Variants in PPFIBP2 observed in about 807,000 individuals in gnomAD.
PPFIBP2 encodes the protein PPFIB scaffold protein 2, also known as liprin-beta-2.
Under a neutral mutation model 118.3 loss-of-function variants are expected in PPFIBP2, and 118 were observed. The observed-to-expected ratio is 1.00, with a 90% CI of 0.86 to 1.16. The LOEUF is 1.16. Ranked by LOEUF, PPFIBP2 falls within the 50% of genes most tolerant of loss-of-function variation. The pLI, the probability that PPFIBP2 is intolerant of heterozygous loss-of-function variation, is 0.00. For synonymous variants in PPFIBP2, 414 were observed against 397.4 expected (o/e 1.04, Z -0.50); for missense variants, 1,195 against 1,073.1 (o/e 1.11, Z -1.59).
intron 3 of PPFIBP2, among the ~76,000 whole-genome samples, chr11:7,584,876 G>A (rs1857854240): frequency 6.6e-6 from 1 of 152,162 alleles, no homozygotes; most frequent in Non-Finnish European, 1.5e-5. Flanking sequence ...CCCTGTGCCT[G>A]GCAGCTATGG....
chr11:7,602,134 T>C (rs1203134776), intron 5 of PPFIBP2, among the ~76,000 whole-genome samples: 1 of 139,464 alleles, frequency 7.2e-6, no homozygotes, highest in Non-Finnish European at 1.5e-5. Context: ...CTCAAAAGGA[T>C]CTTTAAGGGA....
chr11:7,609,649 C>T (rs1346409657), intron 5 of PPFIBP2, among the ~76,000 whole-genome samples: 1 of 152,186 alleles, frequency 6.6e-6, no homozygotes. Flanking sequence ...TAGTAATAAC[C>T]TCCCTGGTCT....
rs768008628 is a variant in PPFIBP2 at position 7,549,543 on chromosome 11, C to G, written c.64+4C>G. The stretch of plus-strand genomic sequence containing the variant: ...CAAATGGACGGGATCATTGCAGGTA[C>G]GCCCAGGGAACCCCAGCAACCAAGG... On this transcript the variant is annotated splice_donor_region_variant and intron_variant, in intron 2 of 23. Coordinates refer to ENST00000299492, the MANE Select transcript of PPFIBP2 (RefSeq NM_003621.5). 4 of 1,553,400 alleles carry G rather than the reference C, an allele frequency of 2.6e-6. No homozygotes were observed. In the African/African-American group the frequency reaches 5.5e-5, roughly 21 times the overall value.
rs1466292043 is a variant in PPFIBP2, at chr11:7,642,377, A to T, written c.1597A>T (p.Thr533Ser). 3 of 1,614,104 alleles carry T rather than the reference A, an allele frequency of 1.9e-6. No homozygotes were observed. Among genetic ancestry groups the T allele is most frequent in the East Asian group, 4.5e-5 (2 of 44,888 alleles). ...GTTTCGACGAGGTGGGCTCCGGGCA[A>T]CCGCAGGGCCAAGACTCTCTAGGAC... The part of the protein sequence containing the change: ...AEFRRGGLRA[T>S]AGPRLSRTRD... Residue 533 changes from threonine to serine, a missense_variant, in exon 17 of 24, where the codon ACC (threonine) becomes TCC (serine). Coordinates refer to ENST00000299492, the MANE Select transcript of PPFIBP2 (RefSeq NM_003621.5).
intron 1 of PPFIBP2, among the ~76,000 whole-genome samples, chr11:7,537,808 C>T (rs1851361456): frequency 6.6e-6 from 1 of 152,174 alleles, no homozygotes; most frequent in Admixed American, 6.5e-5. Context: ...TGCCTCGCTT[C>T]CCTGCCCTCC....
At chr11:7,606,960 G>A (rs572143606) in intron 5 of PPFIBP2, among the ~76,000 whole-genome samples, 21 of 124,152 alleles carry the variant, frequency 1.7e-4, no homozygotes, top group South Asian at 2.6e-4. Context: ...GCCCAGGCTG[G>A]AGTGCAGTGG....
At chr11:7,613,107 C>G (rs1404254646) in intron 6 of PPFIBP2, among the ~76,000 whole-genome samples, 2 of 151,964 alleles carry the variant, frequency 1.3e-5, no homozygotes, top group Non-Finnish European at 2.9e-5. Flanking sequence ...TTTTCCCCCT[C>G]AGGTGTGAGA....
rs760076116 is a variant in PPFIBP2 at position 7,640,887 on chromosome 11, G to A, written c.1376-592G>A. On this transcript the variant is annotated intron_variant, in intron 15 of 23. Coordinates refer to ENST00000299492, the MANE Select transcript of PPFIBP2 (RefSeq NM_003621.5). ...CCACTCACCCCCTCCTTCTCCATGG[G>A]ATTATTTTTCTTTCTGTTTGAGTTT... is the stretch of plus-strand genomic sequence containing the variant. 10 of 579,198 alleles carry A rather than the reference G, an allele frequency of 1.7e-5. No homozygotes were observed. The African/African-American group carries it at 1.9e-4, about 11-fold the overall frequency. 35.9% of individuals were successfully genotyped at this position (579,198 alleles called of 1,614,324 possible).
rs148622460 is a variant in PPFIBP2 at position 7,639,709 on chromosome 11, C to T, written c.1237-23C>T. 5.1e-4 allele frequency: 818 copies of T among 1,613,818 alleles called. 13 individuals are homozygous for T. The East Asian group carries it at 0.017, about 33-fold the overall frequency. On this transcript the variant is annotated intron_variant, in intron 14 of 23. Transcript: ENST00000299492. ...GGCTGACAGTTAAGTCGGTATCTCT[C>T]TCTTTCTCTCACCTTCCAATAGGAC...
downstream of PPFIBP2, chr11:7,657,180 A>G (rs1022896445): frequency 2.4e-5 from 5 of 208,856 alleles, no homozygotes; most frequent in Admixed American, 1.6e-4. Flanking sequence ...AACCTGCTGG[A>G]AAAAAAGTTC....
chr11:7,542,595 TC>T (rs928154872), intron 1 of PPFIBP2, among the ~76,000 whole-genome samples: 3 of 152,174 alleles, frequency 2.0e-5, no homozygotes, highest in Non-Finnish European at 2.9e-5. Context: ...TTTATTATTT[TC>T]CCCCCATTTG....
Position 7,651,707 on chromosome 11 carries a change from C to T in PPFIBP2, c.2299C>T (p.Pro767Ser), listed in dbSNP as rs1252750899. The stretch of plus-strand genomic sequence containing the variant: ...CACCCTGGCTATGCTTCTCAACATC[C>T]CCCCACAAAAGACGCTCCTCAGGCG... ...GDTLAMLLNI[P>S]PQKTLLRRHL... The change falls in exon 23 of 24, where the codon CCC becomes TCC. Residue 767 changes from proline to serine, a missense_variant. By Grantham distance (74) the Pro-to-Ser change is moderately conservative (BLOSUM62 -1). Transcript: ENST00000299492. The T allele has an allele frequency of 1.9e-6, 3 of 1,613,654 alleles. No homozygotes were observed. The highest frequency in any genetic ancestry group is 1.3e-5 in the African/African-American group (1 of 74,930).
chr11:7,648,605 C>T, intron 18 of PPFIBP2, 68 bp downstream of exon 18: 2 of 1,582,124 alleles, frequency 1.3e-6, no homozygotes, highest in Non-Finnish European at 1.7e-6. Context: ...CAGGGTCCGC[C>T]ACTCCTGTCA....
At position 7,653,749 on chromosome 11, in the gene PPFIBP2, T is replaced by C; in HGVS notation, c.*531T>C. ...TTTCTTGTAATAAAAGCAATATTTA[T>C]GCGGAAAGCAAGCAGCTCACCATAT... On this transcript the variant is annotated 3_prime_UTR_variant, in exon 24 of 24. Coordinates refer to ENST00000299492, the MANE Select transcript of PPFIBP2 (RefSeq NM_003621.5). 1 of 1,211,996 alleles carries C rather than the reference T, an allele frequency of 8.3e-7. No individual in the cohort carries two copies. Among genetic ancestry groups the C allele is most frequent in the South Asian group, 1.5e-5 (1 of 67,556 alleles). 75.1% of individuals were successfully genotyped at this position (1,211,996 alleles called of 1,614,324 possible).
intron 5 of PPFIBP2, among the ~76,000 whole-genome samples, chr11:7,606,530 CT>C (rs1215572474): frequency 6.6e-6 from 1 of 152,100 alleles, no homozygotes; most frequent in Non-Finnish European, 1.5e-5. Flanking sequence ...TAGATATAAG[CT>C]AGAAGAGAAT....
At chr11:7,618,062 T>C (rs1289635487) in intron 6 of PPFIBP2, among the ~76,000 whole-genome samples, 1 of 152,032 alleles carries the variant, frequency 6.6e-6, no homozygotes, top group African/African-American at 2.4e-5. Flanking sequence ...CAGCCATGAG[T>C]ACTACAGAGG....
intron 22 of PPFIBP2, 33 bp downstream of exon 22, chr11:7,650,998 T>G (rs200827539): frequency 6.3e-7 from 1 of 1,597,246 alleles, no homozygotes; most frequent in Non-Finnish European, 8.6e-7. Context: ...CCACCTGCCT[T>G]GGTGCAAATG....
rs1854414206 is a variant in PPFIBP2 at position 7,653,733 on chromosome 11, A to G, written c.*515A>G. Reference sequence around the variant, plus strand: ...CAGAGGTGGTCTCTTCTTTCTTGTAATAAAAGCAATATTTATGCGGAAAGC... The same window carrying G: ...CAGAGGTGGTCTCTTCTTTCTTGTAGTAAAAGCAATATTTATGCGGAAAGC... On this transcript the variant is annotated 3_prime_UTR_variant, in exon 24 of 24. Transcript: ENST00000299492. The G allele has an allele frequency of 8.2e-7, 1 of 1,226,146 alleles. No homozygotes were observed. The allele number at this position is 1,226,146 out of a possible 1,614,324, so 76.0% of individuals were successfully genotyped here. A position where few individuals can be genotyped will look rare whatever the true frequency, so the allele number is the denominator to read the frequency against.
intron 7 of PPFIBP2, among the ~76,000 whole-genome samples, chr11:7,621,680 T>C (rs1425884609): frequency 1.3e-5 from 2 of 152,264 alleles, no homozygotes; most frequent in Non-Finnish European, 2.9e-5. Flanking sequence ...CATTGGATTT[T>C]AAAACGTTAA....
Sources: gnomAD v4.1 joint callset for allele counts (sites outside exome capture counted in the v4.1 genomes callset) on GRCh38, gnomAD v4.1.1 for gene constraint, MANE v1.5 for transcripts, NCBI Gene and HGNC (gene_info 2026-07-23, HGNC 2026-07-21) for gene names.